Variants in CDH13 observed in about 807,000 individuals in gnomAD.
CDH13 encodes the protein cadherin 13, also known as cadherin-13.
A neutral mutation model predicts 63.8 loss-of-function variants in CDH13; 24 were observed. That is an observed-to-expected ratio of 0.38 (90% CI 0.27 to 0.53). CDH13 has a LOEUF of 0.53. CDH13 is among the 20% of genes least tolerant of loss of function. CDH13 has a pLI of 0.85. For synonymous variants in CDH13, 503 were observed against 355.3 expected, an observed-to-expected ratio of 1.42 and a Z score of -4.67; for missense variants, 1,049 against 903.1, an observed-to-expected ratio of 1.16 and a Z score of -2.07.
chr16:83,409,149 G>A lies in CDH13; in HGVS notation c.781+64143G>A, dbSNP rs915096277. Among the ~76,000 whole-genome samples, 10 of 152,258 alleles carry A rather than the reference G, an allele frequency of 6.6e-5. No homozygotes were observed. In the South Asian group the frequency reaches 8.3e-4, roughly 13 times the overall value. ...CAGGGGAGGGAAGGCAGCCAATAAC[G>A]TAACCAGCCAGCTGCTTTCATGAGA... On this transcript the variant is annotated intron_variant, in intron 6 of 13. Transcript: ENST00000567109.
chr16:83,719,452 A>T (rs1269693355), intron 10 of CDH13, among the ~76,000 whole-genome samples: 1 of 147,012 alleles, frequency 6.8e-6, no homozygotes, highest in Non-Finnish European at 1.5e-5. Context: ...CTCTCAGTAA[A>T]CGGTGGACAC....
intron 2 of CDH13, among the ~76,000 whole-genome samples, chr16:82,962,367 G>A (rs1907149333): frequency 1.3e-5 from 2 of 152,212 alleles, no homozygotes; most frequent in Admixed American, 6.5e-5. Flanking sequence ...TGGCCCTGCT[G>A]ACACCTTGAT....
chr16:83,264,392 C>T (rs1307779305), intron 5 of CDH13, among the ~76,000 whole-genome samples: 1 of 152,018 alleles, frequency 6.6e-6, no homozygotes, highest in African/African-American at 2.4e-5. Flanking sequence ...TGAAATAGAA[C>T]TTTATATTTA....
chr16:83,267,769 AT>A (rs1453643368), intron 5 of CDH13, among the ~76,000 whole-genome samples: 5 of 151,958 alleles, frequency 3.3e-5, no homozygotes, highest in Admixed American at 6.6e-5. Context: ...GAGCCAAATA[AT>A]TTTTTTTCAT....
intron 6 of CDH13, among the ~76,000 whole-genome samples, chr16:83,431,357 C>G (rs1184947777): frequency 6.6e-6 from 1 of 151,814 alleles, no homozygotes; most frequent in East Asian, 2.0e-4. Context: ...CTTTTACGAT[C>G]CTGGTCCTAT....
intron 1 of CDH13, among the ~76,000 whole-genome samples, chr16:82,635,538 A>G (rs902564614): frequency 1.3e-5 from 2 of 152,222 alleles, no homozygotes; most frequent in African/African-American, 2.4e-5. Context: ...AGTGGCAGCC[A>G]TTGAGGGTAC....
At chr16:83,396,418 C>G (rs986609820) in intron 6 of CDH13, among the ~76,000 whole-genome samples, 1 of 152,204 alleles carries the variant, frequency 6.6e-6, no homozygotes, top group African/African-American at 2.4e-5. Context: ...ATTCTATCCT[C>G]TCACTTCCAG....
At chr16:83,052,653 G>A (rs564377470) in intron 3 of CDH13, among the ~76,000 whole-genome samples, 12 of 151,706 alleles carry the variant, frequency 7.9e-5, no homozygotes, top group East Asian at 5.9e-4. Flanking sequence ...GGTGGTGCGC[G>A]CCTTTAATCC....
chr16:83,200,416 C>T (rs1208476858), intron 4 of CDH13, among the ~76,000 whole-genome samples: 1 of 152,182 alleles, frequency 6.6e-6, no homozygotes, highest in Non-Finnish European at 1.5e-5. Flanking sequence ...TTCCATGTCT[C>T]TAAGCATTCA....
At chr16:83,196,053 C>T (rs1043012648) in intron 4 of CDH13, among the ~76,000 whole-genome samples, 27 of 152,182 alleles carry the variant, frequency 1.8e-4, no homozygotes, top group African/African-American at 6.0e-4. Flanking sequence ...GTCACAAGTT[C>T]GCAATCAGCC....
intron 10 of CDH13, among the ~76,000 whole-genome samples, chr16:83,712,250 C>G (rs888714352): frequency 1.3e-5 from 2 of 152,128 alleles, no homozygotes; most frequent in African/African-American, 2.4e-5. Flanking sequence ...TTTAAAAGGG[C>G]CTTGAATGGA....
chr16:83,654,472 C>T (rs16961182), intron 8 of CDH13, among the ~76,000 whole-genome samples: 18,221 of 151,770 alleles, frequency 0.12, 1,233 homozygotes, highest in East Asian at 0.21. Flanking sequence ...CAAGAAAGGA[C>T]CCAACAAGGC....
chr16:83,091,558 A>T (rs2033914781), intron 3 of CDH13, among the ~76,000 whole-genome samples: 5 of 152,218 alleles, frequency 3.3e-5, no homozygotes, highest in Admixed American at 3.3e-4. Context: ...CTCCAGCTGG[A>T]GACTAAGTCA....
chr16:83,768,506 G>C (rs1171202318), intron 11 of CDH13, among the ~76,000 whole-genome samples: 1 of 152,192 alleles, frequency 6.6e-6, no homozygotes, highest in Non-Finnish European at 1.5e-5. Flanking sequence ...GACCCCAAGA[G>C]AGGGTTCTTG....
intron 5 of CDH13, among the ~76,000 whole-genome samples, chr16:83,272,642 C>T (rs1200146165): frequency 2.6e-5 from 4 of 152,152 alleles, no homozygotes; most frequent in Admixed American, 6.5e-5. Context: ...TCTAGCAAAT[C>T]ATAATCATTT....
chr16:83,662,166 T>G (rs1009826138), intron 8 of CDH13, among the ~76,000 whole-genome samples: 5 of 150,516 alleles, frequency 3.3e-5, no homozygotes, highest in Non-Finnish European at 7.5e-5. Context: ...CTTGTTGAGA[T>G]GCTATTCCTT....
chr16:83,346,487 C>G (rs981880594), intron 6 of CDH13, among the ~76,000 whole-genome samples: 2 of 152,200 alleles, frequency 1.3e-5, no homozygotes, highest in African/African-American at 4.8e-5. Flanking sequence ...ATCTGTGGTA[C>G]TCGGGCCCCA....
At chr16:82,925,587 T>A (rs1382945466) in intron 2 of CDH13, among the ~76,000 whole-genome samples, 1 of 152,160 alleles carries the variant, frequency 6.6e-6, no homozygotes, top group Non-Finnish European at 1.5e-5. Context: ...CAGATGAAGA[T>A]CAGGGGAAGG....
intron 6 of CDH13, among the ~76,000 whole-genome samples, chr16:83,346,669 G>T (rs1282519177): frequency 2.0e-5 from 3 of 152,162 alleles, no homozygotes; most frequent in Non-Finnish European, 4.4e-5. Flanking sequence ...GTTTAGAAAA[G>T]AATTTCAGAT....
Sources: gnomAD v4.1 joint callset for allele counts (sites outside exome capture counted in the v4.1 genomes callset) on GRCh38, gnomAD v4.1.1 for gene constraint, MANE v1.5 for transcripts, NCBI Gene and HGNC (gene_info 2026-07-23, HGNC 2026-07-21) for gene names.